The following TENM2 variants were observed in gnomAD, a reference collection of about 807,000 sequenced individuals.
The protein encoded by TENM2 is teneurin-2.
Under a neutral mutation model 245.2 loss-of-function variants are expected in TENM2, and 52 were observed. The observed-to-expected ratio is 0.21, with a 90% CI of 0.17 to 0.27. The LOEUF (loss-of-function observed/expected upper bound fraction) is 0.27, where lower values mean the gene tolerates loss of function less well. Among genes scored for constraint, TENM2 ranks in the 10% least tolerant of loss-of-function variants. TENM2 has a pLI of 1.00. For synonymous variants in TENM2, 1,363 were observed against 1,438.9 expected, an observed-to-expected ratio of 0.95 and a Z score of 1.19; for missense variants, 3,046 against 3,666.8, an observed-to-expected ratio of 0.83 and a Z score of 4.37.
chr5:167,123,921 A>C, the TENM2 span, among the ~76,000 whole-genome samples: 1 of 152,236 alleles, frequency 6.6e-6, no homozygotes, highest in African/African-American at 2.4e-5. Context: ...AAAAAGGTGG[A>C]TCTTTAAAGA....
the TENM2 span, among the ~76,000 whole-genome samples, chr5:167,233,531 G>A: frequency 6.6e-6 from 1 of 152,124 alleles, no homozygotes; most frequent in East Asian, 1.9e-4. Context: ...CTGCTGTTTA[G>A]CAGAGAGTTT....
intron 5 of TENM2, among the ~76,000 whole-genome samples, chr5:168,023,375 G>A (rs904410706): frequency 2.6e-5 from 4 of 152,188 alleles, no homozygotes; most frequent in Non-Finnish European, 4.4e-5. Flanking sequence ...GCCCGAGTGT[G>A]ATGGGAAGAT....
At chr5:167,010,245 T>C in the TENM2 span, among the ~76,000 whole-genome samples, 1 of 152,098 alleles carries the variant, frequency 6.6e-6, no homozygotes, top group Non-Finnish European at 1.5e-5. Context: ...TAGCCGGGCA[T>C]GGTGGTGCAT....
chr5:167,529,496 T>C (rs1443196184), intron 2 of TENM2, among the ~76,000 whole-genome samples: 1 of 152,250 alleles, frequency 6.6e-6, no homozygotes, highest in Admixed American at 6.5e-5. Context: ...ATGTGTTCAC[T>C]TTCTGCACTT....
the TENM2 span, among the ~76,000 whole-genome samples, chr5:167,101,789 TC>T: frequency 1.4e-5 from 2 of 142,220 alleles, no homozygotes; most frequent in Non-Finnish European, 3.0e-5. Flanking sequence ...CAAAGATGAT[TC>T]CAGATCCCAG....
intron 2 of TENM2, among the ~76,000 whole-genome samples, chr5:167,797,795 G>A (rs1765426468): frequency 6.6e-6 from 1 of 152,152 alleles, no homozygotes; most frequent in East Asian, 1.9e-4. Context: ...TGTGAGAAAT[G>A]AGTACTCTGT....
chr5:167,092,597 A>G, the TENM2 span, among the ~76,000 whole-genome samples: 3 of 152,156 alleles, frequency 2.0e-5, no homozygotes, highest in Non-Finnish European at 2.9e-5. Flanking sequence ...TTTTCGCCCT[A>G]TGATGCAGGT....
At chr5:167,785,225 T>C (rs1220053007) in intron 2 of TENM2, among the ~76,000 whole-genome samples, 1 of 152,250 alleles carries the variant, frequency 6.6e-6, no homozygotes, top group Non-Finnish European at 1.5e-5. Context: ...TTTCTGGATA[T>C]CACGTGATGT....
chr5:167,931,070 G>T (rs1433557383), intron 3 of TENM2, among the ~76,000 whole-genome samples: 1 of 152,182 alleles, frequency 6.6e-6, no homozygotes. Context: ...CTGGAAATAA[G>T]ATAACACCCT....
chr5:167,452,962 T>TATATATATATATATATTTTATATATA (rs1406197551), intron 2 of TENM2, among the ~76,000 whole-genome samples: 1 of 96,786 alleles, frequency 1.0e-5, no homozygotes, highest in Non-Finnish European at 2.1e-5. Context: ...TATATATATA[T>TATATATATATATATATTTTATATATA]TTAAAAAAAA....
chr5:167,515,674 T>TATATATACAC (rs1770326409), intron 2 of TENM2, among the ~76,000 whole-genome samples: 1 of 128,620 alleles, frequency 7.8e-6, no homozygotes, highest in Non-Finnish European at 1.5e-5. Flanking sequence ...TATATGTGTA[T>TATATATACAC]ATATATTTTG....
intron 2 of TENM2, among the ~76,000 whole-genome samples, chr5:167,534,896 T>G (rs1582316043): frequency 6.6e-6 from 1 of 152,190 alleles, no homozygotes; most frequent in Non-Finnish European, 1.5e-5. Context: ...CTGCACTTCT[T>G]GAGGTTAAAA....
At chr5:167,418,146 A>G (rs757951726) in intron 2 of TENM2, among the ~76,000 whole-genome samples, 4 of 152,112 alleles carry the variant, frequency 2.6e-5, no homozygotes, top group Non-Finnish European at 4.4e-5. Context: ...CCTGACCAAC[A>G]TGATGAAACC....
the TENM2 span, among the ~76,000 whole-genome samples, chr5:167,070,944 T>C: frequency 6.6e-6 from 1 of 152,216 alleles, no homozygotes; most frequent in Non-Finnish European, 1.5e-5. Context: ...GTTTTTTTAC[T>C]ATAGATAATT....
chr5:167,920,679 G>A (rs1489374780), intron 3 of TENM2, among the ~76,000 whole-genome samples: 1 of 152,110 alleles, frequency 6.6e-6, no homozygotes, highest in Non-Finnish European at 1.5e-5. Flanking sequence ...TAAACTCTAA[G>A]GAGATAAATA....
intron 2 of TENM2, among the ~76,000 whole-genome samples, chr5:167,640,619 C>CAA (rs777939339): frequency 0.087 from 6,605 of 76,082 alleles, 634 homozygotes; most frequent in East Asian, 0.47. Flanking sequence ...AACTCCATCT[C>CAA]AAAAAAAAAA....
the TENM2 span, among the ~76,000 whole-genome samples, chr5:166,983,396 C>A: frequency 6.6e-6 from 1 of 152,112 alleles, no homozygotes; most frequent in Non-Finnish European, 1.5e-5. Context: ...TGGCCCACCT[C>A]TCCTAAGTAT....
chr5:168,216,718 C>T, intron 21 of TENM2, 50 bp from the exon 24 acceptor site: 1 of 1,604,072 alleles, frequency 6.2e-7, no homozygotes, highest in Non-Finnish European at 8.5e-7. Flanking sequence ...CTCCACCCCG[C>T]AATCCTACAC....
chr5:167,461,795 T>C (rs1766308258), intron 2 of TENM2, among the ~76,000 whole-genome samples: 1 of 152,192 alleles, frequency 6.6e-6, no homozygotes. Flanking sequence ...CTATTTCTGG[T>C]AACATGATTC....
Sources: allele counts gnomAD v4.1 joint callset (sites outside exome capture counted in the v4.1 genomes callset), GRCh38; gene constraint gnomAD v4.1.1; transcripts MANE v1.5; gene names NCBI Gene and HGNC (gene_info 2026-07-23, HGNC 2026-07-21).